The following SLC4A4 variants were observed in gnomAD, a reference collection of about 807,000 sequenced individuals.
SLC4A4 encodes electrogenic sodium bicarbonate cotransporter 1.
A neutral mutation model predicts 111.5 loss-of-function variants in SLC4A4; 27 were observed. The ratio of observed to expected loss-of-function variants is 0.24; its 90% CI spans 0.18 to 0.33. SLC4A4 has a LOEUF of 0.33. Among genes scored for constraint, SLC4A4 ranks in the 10% least tolerant of loss-of-function variants. SLC4A4 has a pLI of 1.00. For missense variants in SLC4A4, 909 were observed against 1,315.5 expected (o/e 0.69, Z 4.78); for synonymous variants, 443 against 463.4 (o/e 0.96, Z 0.57).
At chr4:71,523,660 T>C (rs2149197205) in intron 16 of SLC4A4, among the ~76,000 whole-genome samples, 1 of 152,184 alleles carries the variant, frequency 6.6e-6, no homozygotes, top group Admixed American at 6.6e-5. Flanking sequence ...GTCAACAACA[T>C]TGAAATCCCT....
intron 2 of SLC4A4, among the ~76,000 whole-genome samples, chr4:71,102,037 A>G (rs1742754386): frequency 6.6e-6 from 1 of 151,246 alleles, no homozygotes; most frequent in Admixed American, 6.6e-5. Flanking sequence ...AAATTAGAAG[A>G]ATGTATAACT....
chr4:71,398,725 C>A (rs551926322), intron 7 of SLC4A4, among the ~76,000 whole-genome samples: 1 of 152,182 alleles, frequency 6.6e-6, no homozygotes, highest in East Asian at 1.9e-4. Context: ...CTACTTGTTC[C>A]AAAACTGGCT....
At chr4:71,548,963 T>G (rs1347857255) in intron 20 of SLC4A4, among the ~76,000 whole-genome samples, 2 of 151,964 alleles carry the variant, frequency 1.3e-5, no homozygotes, top group Non-Finnish European at 2.9e-5. Context: ...TATGTAATTA[T>G]TCATCTTTTT....
Position 71,569,565 on chromosome 4 carries a change from T to TA in SLC4A4, c.*1821dup, listed in dbSNP as rs886059608. 6.6e-6 allele frequency: 1 copy of TA among 151,652 alleles called. No individual in the cohort carries two copies. The highest frequency in any genetic ancestry group is 1.5e-5 in the Non-Finnish European group (1 of 67,762). The allele number at this position is 151,652 out of a possible 1,614,324, so 9.4% of individuals were successfully genotyped here. A position where few individuals can be genotyped will look rare whatever the true frequency, so the allele number is the denominator to read the frequency against. ...TACATTACATATTGTGAATGTATAC[T>TA]AAAAAAACATTTTAAATGTTAAAAT... is the stretch of plus-strand genomic sequence containing the variant. On this transcript the variant is annotated 3_prime_UTR_variant, in exon 26 of 26. Coordinates refer to ENST00000264485, the MANE Select transcript of SLC4A4 (RefSeq NM_001098484.3).
intron 7 of SLC4A4, among the ~76,000 whole-genome samples, chr4:71,402,263 C>A (rs182263332): frequency 1.5e-3 from 234 of 152,182 alleles, no homozygotes; most frequent in Admixed American, 4.3e-3. Context: ...GGGGGAATAA[C>A]CCCCAATCCT....
intron 18 of SLC4A4, among the ~76,000 whole-genome samples, chr4:71,538,932 A>C (rs1734802628): frequency 6.6e-6 from 1 of 152,090 alleles, no homozygotes; most frequent in Non-Finnish European, 1.5e-5. Flanking sequence ...GAAGGAATAG[A>C]GTCTGAGCTT....
chr4:71,559,410 TA>T (rs1184846525), intron 22 of SLC4A4, among the ~76,000 whole-genome samples: 1 of 151,862 alleles, frequency 6.6e-6, no homozygotes, highest in Non-Finnish European at 1.5e-5. Flanking sequence ...TCACAGACAT[TA>T]AGGACCTTGG....
chr4:71,461,652 AT>A (rs1560529023), intron 12 of SLC4A4, among the ~76,000 whole-genome samples: 3 of 151,994 alleles, frequency 2.0e-5, no homozygotes, highest in African/African-American at 7.2e-5. Flanking sequence ...TTGGCTTTTA[AT>A]TTTTTTTAGA....
intron 16 of SLC4A4, among the ~76,000 whole-genome samples, chr4:71,502,260 C>T (rs1479821331): frequency 2.6e-5 from 4 of 152,198 alleles, no homozygotes; most frequent in Non-Finnish European, 5.9e-5. Flanking sequence ...TGCACCCCGG[C>T]TGATTTTGTT....
chr4:71,260,783 C>A (rs1440852072), intron 3 of SLC4A4, among the ~76,000 whole-genome samples: 1 of 152,166 alleles, frequency 6.6e-6, no homozygotes, highest in Non-Finnish European at 1.5e-5. Context: ...ATTTACTTAA[C>A]TTCTTTGTGC....
intron 16 of SLC4A4, among the ~76,000 whole-genome samples, chr4:71,513,233 G>C (rs1186644709): frequency 6.6e-6 from 1 of 152,020 alleles, no homozygotes; most frequent in Non-Finnish European, 1.5e-5. Flanking sequence ...GTACATTATG[G>C]TCATTTTAAT....
Position 71,218,270 on chromosome 4 carries a change from C to T in SLC4A4, c.-1-18306C>T, listed in dbSNP as rs184260871. 7.2e-5 allele frequency among the ~76,000 whole-genome samples: 11 copies of T among 152,174 alleles called. 1 individual carries two copies. In the East Asian group the frequency reaches 9.7e-4, roughly 13 times the overall value. On this transcript the variant is annotated intron_variant, in intron 1 of 25. Coordinates refer to ENST00000264485, the MANE Select transcript of SLC4A4 (RefSeq NM_001098484.3). ...GCAAAAAGTTACCTTAGACAACATGCGTATGTAATTTCTTCTTAGAGTTGG... is the reference window on the plus strand; with the variant it reads ...GCAAAAAGTTACCTTAGACAACATGTGTATGTAATTTCTTCTTAGAGTTGG...
At chr4:71,492,223 G>A (rs1405117689) in intron 15 of SLC4A4, among the ~76,000 whole-genome samples, 1 of 151,684 alleles carries the variant, frequency 6.6e-6, no homozygotes, top group African/African-American at 2.4e-5. Flanking sequence ...GAATAAAGCA[G>A]TGAAGCCCCA....
intron 12 of SLC4A4, among the ~76,000 whole-genome samples, chr4:71,459,961 ACTT>A (rs1180550049): frequency 6.6e-6 from 1 of 151,696 alleles, no homozygotes; most frequent in Admixed American, 6.6e-5. Flanking sequence ...GATTGTCTAT[ACTT>A]CTTTATACTT....
chr4:71,474,004 C>T (rs1191681117), intron 14 of SLC4A4, among the ~76,000 whole-genome samples: 1 of 151,210 alleles, frequency 6.6e-6, no homozygotes, highest in East Asian at 2.0e-4. Context: ...AGTTTGAGAC[C>T]AGTCCGGGCA....
At chr4:71,111,249 GT>G (rs369927274) in intron 2 of SLC4A4, among the ~76,000 whole-genome samples, 9 of 152,260 alleles carry the variant, frequency 5.9e-5, no homozygotes, top group Middle Eastern at 3.4e-3. Flanking sequence ...TAGACAACTT[GT>G]CACCCTATTT....
chr4:71,090,687 C>T (rs1024252833), intron 1 of SLC4A4, among the ~76,000 whole-genome samples: 2 of 152,138 alleles, frequency 1.3e-5, no homozygotes, highest in Non-Finnish European at 2.9e-5. Context: ...TTGAAAGAAA[C>T]AAGGGTTGTT....
chr4:71,353,929 G>A (rs966929593), intron 5 of SLC4A4, among the ~76,000 whole-genome samples: 2 of 152,138 alleles, frequency 1.3e-5, no homozygotes, highest in Non-Finnish European at 2.9e-5. Context: ...GTTTAAGCAG[G>A]TGTTACTTCT....
At chr4:71,177,478 AG>A (rs1745131990) in intron 2 of SLC4A4, among the ~76,000 whole-genome samples, 1 of 152,182 alleles carries the variant, frequency 6.6e-6, no homozygotes, top group Non-Finnish European at 1.5e-5. Flanking sequence ...AAAGGGATGG[AG>A]GAAGATCTAC....
Sources: gnomAD v4.1 joint callset for allele counts (sites outside exome capture counted in the v4.1 genomes callset) on GRCh38, gnomAD v4.1.1 for gene constraint, MANE v1.5 for transcripts, NCBI Gene and HGNC (gene_info 2026-07-23, HGNC 2026-07-21) for gene names.